The following ALS2CL variants were observed in gnomAD, a reference collection of about 807,000 sequenced individuals.
ALS2CL encodes the protein ALS2 C-terminal like, also known as ALS2 C-terminal-like protein.
A neutral mutation model predicts 127.9 loss-of-function variants in ALS2CL; 112 were observed. The observed-to-expected ratio is 0.88, with a 90% CI of 0.75 to 1.02. ALS2CL has a LOEUF of 1.02. ALS2CL is among the 50% of genes least tolerant of loss of function. The probability of loss-of-function intolerance (pLI) is 0.00; values close to 1 mark genes in which losing one functional copy is unlikely to be tolerated. For synonymous variants in ALS2CL, 519 were observed against 527.6 expected (o/e 0.98, Z 0.22); for missense variants, 1,174 against 1,236.7 (o/e 0.95, Z 0.76).
Position 46,679,274 on chromosome 3 carries a change from A to G in ALS2CL, c.1562T>C (p.Leu521Pro). Residue 521 changes from leucine (L) to proline (P), a missense_variant, in exon 15 of 26, where the codon CTC (leucine) becomes CCC (proline). Leu to Pro is a moderately conservative substitution (Grantham distance 98). Transcript: ENST00000318962. ...ATACAGGGAGTCGTCTTCAGAGAGG[A>G]GGATGCCCGGGCCCTTGGGGAGAGG... ...QADKTVGPGI[L>P]LSEDDSLYEG... is the part of the protein sequence containing the mutation. 6.3e-7 allele frequency: 1 copy of G among 1,588,698 alleles called. No homozygotes were observed. Among genetic ancestry groups the G allele is most frequent in the Non-Finnish European group, 8.6e-7 (1 of 1,167,116 alleles).
In ALS2CL at chr3:46,683,148, C is replaced by T. The variant is rs55842118; in HGVS notation, c.1091G>A (p.Arg364Lys). The change falls in exon 10 of 26, where the codon AGG (arginine) becomes AAG (lysine). Residue 364 changes from arginine (R) to lysine (K), a missense_variant. Arg to Lys is a conservative substitution (Grantham distance 26). Transcript: ENST00000318962. ...CACTCACTTGCCGTGGGGCCGGCCC[C>T]TGCACCACTCGCCCTCGTAGGTGGC... ...CQATYEGEWC[R>K]GRPHGKGTLK... 1.9e-6 allele frequency: 3 copies of T among 1,597,002 alleles called. No individual in the cohort carries two copies. The Admixed American group carries it at 5.2e-5, about 28-fold the overall frequency.
intron 2 of ALS2CL, among the ~76,000 whole-genome samples, chr3:46,689,009 C>A (rs1388700535): frequency 6.6e-6 from 1 of 152,030 alleles, no homozygotes; most frequent in Non-Finnish European, 1.5e-5. Flanking sequence ...GCGGGCAGAT[C>A]ATTTGAGGTC....
At position 46,686,358 on chromosome 3, in the gene ALS2CL, G is replaced by T. The variant is rs1452312468; in HGVS notation, c.616C>A (p.Gln206Lys). 1 of 1,613,676 alleles carries T rather than the reference G, an allele frequency of 6.2e-7. No individual in the cohort carries two copies. The highest frequency in any genetic ancestry group is 8.5e-7 in the Non-Finnish European group (1 of 1,179,886). The change falls in exon 6 of 26, where the codon CAG becomes AAG. Residue 206 changes from glutamine (Q) to lysine (K), a missense_variant. Gln to Lys is a moderately conservative substitution (Grantham distance 53). Coordinates refer to ENST00000318962, the MANE Select transcript of ALS2CL (RefSeq NM_147129.5). This position sits in a 1 kb window ranked among gnomAD's most constrained non-coding sequence, Gnocchi z 4.3. ...CAGAGAGCCTGTGTGGCCACAGCCT[G>T]GTCCAACTCCTGCTTCATGAAGGAC... ...LQSFMKQELD[Q>K]AVATQALWHT... is the part of the protein sequence containing the mutation.
chr3:46,685,819 C>T (rs1465626470), intron 6 of ALS2CL, among the ~76,000 whole-genome samples, 175 bp from the exon 7 acceptor site: 1 of 152,212 alleles, frequency 6.6e-6, no homozygotes, highest in Non-Finnish European at 1.5e-5. Flanking sequence ...ATTCCTGGCT[C>T]TCTTGAAGCT....
intron 3 of ALS2CL, 117 bp from the exon 4 acceptor site, chr3:46,687,801 A>C: frequency 1.8e-6 from 2 of 1,099,432 alleles, no homozygotes; most frequent in Non-Finnish European, 2.6e-6. Context: ...GAGGGCCCAC[A>C]CAGTGGCCTG....
chr3:46,691,855 G>A (rs1700179119), intron 1 of ALS2CL, among the ~76,000 whole-genome samples: 1 of 151,906 alleles, frequency 6.6e-6, no homozygotes, highest in Non-Finnish European at 1.5e-5. Flanking sequence ...ACTGCGCCCA[G>A]CCAAAGAGGA....
Position 46,686,185 on chromosome 3 carries a change from C to A in ALS2CL, c.666+123G>T, listed in dbSNP as rs972761382. On this transcript the variant is annotated intron_variant, in intron 6 of 25. Transcript: ENST00000318962. This position sits in a 1 kb window ranked among gnomAD's most constrained non-coding sequence, Gnocchi z 4.3. ...CCTTACAGCCACCTGCTTCAGCCAT[C>A]ACTCCCCCTTCCATATAGGGAAACT... is the stretch of plus-strand genomic sequence containing the variant. 7.3e-7 allele frequency: 1 copy of A among 1,365,280 alleles called. No individual in the cohort carries two copies. Among genetic ancestry groups the A allele is most frequent in the African/African-American group, 1.5e-5 (1 of 67,968 alleles). The allele number at this position is 1,365,280 out of a possible 1,614,324, so 84.6% of individuals were successfully genotyped here.
rs765658026 is a variant in ALS2CL at position 46,678,359 on chromosome 3, G to A, written c.1657C>T (p.Leu553=). 2.5e-6 allele frequency: 4 copies of A among 1,613,162 alleles called. No homozygotes were observed. The highest frequency in any genetic ancestry group is 3.4e-6 in the Non-Finnish European group (4 of 1,179,438). Residue 553 remains leucine (L), a synonymous_variant, in exon 16 of 26, where the codon CTG becomes TTG. Transcript: ENST00000318962. ...GCCCCACTGCCGAACGAGCCCTCCAGGGTGAAGCCATTGGGGAAGGTGACC... is the reference window on the plus strand; with the variant it reads ...GCCCCACTGCCGAACGAGCCCTCCAAGGTGAAGCCATTGGGGAAGGTGACC... ...GKVTFPNGFT[L]EGSFGSGAGR... is the part of the protein sequence containing the mutation.
intron 25 of ALS2CL, 123 bp downstream of exon 25, chr3:46,671,365 G>T: frequency 6.9e-7 from 1 of 1,459,484 alleles, no homozygotes; most frequent in Non-Finnish European, 9.2e-7. Flanking sequence ...CCTTCCCAGA[G>T]TCACACATGA....
chr3:46,676,878 A>G lies in ALS2CL; in HGVS notation c.1902T>C (p.Arg634=). Residue 634 remains arginine (R), a synonymous_variant, in exon 17 of 26, where the codon CGT becomes CGC. Transcript: ENST00000318962. ...CGCAGGACAGGTAATCCTGAGACCT[A>G]CGCAGCTCCCTGGAGCTCTGCACGT... The part of the protein sequence containing the change: ...GFDVQSSREL[R]RSQDYLSCER... The G allele has an allele frequency of 6.2e-7, 1 of 1,613,268 alleles. No individual in the cohort carries two copies. The highest frequency in any genetic ancestry group is 8.5e-7 in the Non-Finnish European group (1 of 1,179,900).
Position 46,678,276 on chromosome 3 carries a change from C to A in ALS2CL, c.1740G>T (p.Pro580=). 1 of 1,599,042 alleles carries A rather than the reference C, an allele frequency of 6.3e-7. No individual in the cohort carries two copies. The highest frequency in any genetic ancestry group is 1.1e-5 in the South Asian group (1 of 89,720). ...GCACTCACCTCTTGCAGGTACTGCT[C>A]GGGTCTGGTGGGAGGGCAGCCGTGT... is the stretch of plus-strand genomic sequence containing the variant. ...VLDTAALPPD[P]SSTCKRQLGV... The change falls in exon 16 of 26, where the codon CCG becomes CCT. Residue 580 remains proline (P), a synonymous_variant. Coordinates refer to ENST00000318962, the MANE Select transcript of ALS2CL (RefSeq NM_147129.5).
chr3:46,689,547 G>A, intron 1 of ALS2CL, 82 bp from the exon 2 acceptor site: 2 of 932,912 alleles, frequency 2.1e-6, no homozygotes, highest in East Asian at 2.7e-5. Flanking sequence ...GTGCCCAGAA[G>A]CAAGGTCCAT....
chr3:46,679,120 C>T lies in ALS2CL; in HGVS notation c.1626+90G>A. ...GGGAGGTGGGACAGGCCCTCCCCTA[C>T]CTGCCCCCAGCCCTGAGTCTAAGTG... On this transcript the variant is annotated intron_variant, in intron 15 of 25. Coordinates refer to ENST00000318962, the MANE Select transcript of ALS2CL (RefSeq NM_147129.5). 4 of 1,363,452 alleles carry T rather than the reference C, an allele frequency of 2.9e-6. No individual in the cohort carries two copies. The South Asian group carries it at 5.3e-5, about 18-fold the overall frequency. The allele number at this position is 1,363,452 out of a possible 1,614,324, so 84.5% of individuals were successfully genotyped here.
intron 24 of ALS2CL, 71 bp from the exon 25 acceptor site, chr3:46,671,655 G>T: frequency 6.2e-7 from 1 of 1,609,194 alleles, no homozygotes; most frequent in Admixed American, 1.7e-5. Flanking sequence ...CAGGCAGCTG[G>T]GGAAGGAGCG....
chr3:46,688,776 C>T (rs1699970988), intron 2 of ALS2CL, among the ~76,000 whole-genome samples: 1 of 152,234 alleles, frequency 6.6e-6, no homozygotes, highest in South Asian at 2.1e-4. Flanking sequence ...TGTTCCCCTC[C>T]CGGCACCATC....
chr3:46,672,153 G>A lies in ALS2CL; in HGVS notation c.2521C>T (p.Leu841=). ...GCTCACACTCACATGATCTTCTGCAGGCACTCGGTGGCTGACAGGAAACAC... is the reference window on the plus strand; with the variant it reads ...GCTCACACTCACATGATCTTCTGCAAGCACTCGGTGGCTGACAGGAAACAC... ...DKCFLSATEC[L]QKIMTTVDPR... Residue 841 remains leucine, a synonymous_variant, in exon 23 of 26, where the codon CTG becomes TTG. Coordinates refer to ENST00000318962, the MANE Select transcript of ALS2CL (RefSeq NM_147129.5). The A allele has an allele frequency of 6.2e-7, 1 of 1,614,118 alleles. No homozygotes were observed. The highest frequency in any genetic ancestry group is 8.5e-7 in the Non-Finnish European group (1 of 1,180,030).
intron 19 of ALS2CL, 47 bp downstream of exon 19, chr3:46,676,198 C>T (rs1575414900): frequency 6.3e-7 from 1 of 1,593,814 alleles, no homozygotes; most frequent in Non-Finnish European, 8.5e-7. Flanking sequence ...GGAAAGGGCA[C>T]ACTAGTGTCA....
chr3:46,675,565 C>T (rs932726760), intron 20 of ALS2CL, 53 bp downstream of exon 20: 23 of 1,566,172 alleles, frequency 1.5e-5, no homozygotes, highest in African/African-American at 2.7e-5. Flanking sequence ...TAGGAGCAGA[C>T]GCATGAGGCC....
At position 46,683,828 on chromosome 3, in the gene ALS2CL, G is replaced by A. The variant is rs775996230; in HGVS notation, c.866C>T (p.Thr289Met). Residue 289 changes from threonine to methionine, a missense_variant, in exon 9 of 26, where the codon ACG becomes ATG. Coordinates refer to ENST00000318962, the MANE Select transcript of ALS2CL (RefSeq NM_147129.5). ...GQDGCTFHLL[T>M]PEEEFSFCAK... ...ACAAAAGGAGAACTCTTCTTCGGGC[G>A]TGAGGAGGTGAAACGTGCACCTAGA... 10 of 1,614,040 alleles carry A rather than the reference G, an allele frequency of 6.2e-6. No homozygotes were observed. Among genetic ancestry groups the A allele is most frequent in the Middle Eastern group, 1.6e-4 (1 of 6,084 alleles).
Sources: allele counts gnomAD v4.1 joint callset (sites outside exome capture counted in the v4.1 genomes callset), GRCh38; gene constraint gnomAD v4.1.1; non-coding constraint Gnocchi (gnomAD v3.1); transcripts MANE v1.5; gene names NCBI Gene and HGNC (gene_info 2026-07-23, HGNC 2026-07-21).